MICU2: variants seen among roughly 807,000 people sequenced by gnomAD.
MICU2 encodes mitochondrial calcium uptake 2.
In MICU2, 64 loss-of-function variants were observed where a neutral mutation model predicts 60.4. The ratio of observed to expected loss-of-function variants is 1.06; its 90% CI spans 0.87 to 1.31. The LOEUF is 1.31. Ranked by LOEUF, MICU2 falls within the 50% of genes most tolerant of loss-of-function variation. The pLI is 0.00. For missense variants in MICU2, 569 were observed against 531.0 expected (o/e 1.07, Z -0.70); for synonymous variants, 201 against 175.0 (o/e 1.15, Z -1.17).
intron 1 of MICU2, among the ~76,000 whole-genome samples, chr13:21,593,850 C>T (rs756535434): frequency 5.3e-5 from 8 of 152,040 alleles, no homozygotes; most frequent in South Asian, 2.1e-4. Flanking sequence ...AGAAACTGGA[C>T]GCCTTCCTTA....
intron 4 of MICU2, among the ~76,000 whole-genome samples, chr13:21,528,342 A>G (rs548975538): frequency 1.2e-4 from 19 of 152,330 alleles, no homozygotes; most frequent in Admixed American, 5.9e-4. Context: ...ATCTTTAAAA[A>G]GTGTATCTTC....
At chr13:21,532,510 G>C (rs1887026446) in intron 4 of MICU2, among the ~76,000 whole-genome samples, 1 of 152,150 alleles carries the variant, frequency 6.6e-6, no homozygotes, top group South Asian at 2.1e-4. Context: ...TTTCAGGACT[G>C]ACTAGTGAGC....
chr13:21,528,176 T>C (rs1886902286), intron 4 of MICU2, among the ~76,000 whole-genome samples: 1 of 152,176 alleles, frequency 6.6e-6, no homozygotes, highest in Non-Finnish European at 1.5e-5. Flanking sequence ...ATTATTTTCT[T>C]ATTTTAGGAA....
intron 1 of MICU2, 90 bp from the exon 2 acceptor site, chr13:21,567,034 T>A: frequency 9.1e-7 from 1 of 1,098,724 alleles, no homozygotes. Context: ...CTTTCACGCT[T>A]GGATCTGACA....
chr13:21,597,702 C>G (rs558589027), intron 1 of MICU2, among the ~76,000 whole-genome samples: 8 of 151,862 alleles, frequency 5.3e-5, no homozygotes, highest in African/African-American at 1.5e-4. Context: ...GAGGCCGAGG[C>G]GGGTGGATCA....
At chr13:21,555,562 T>C (rs889401434) in intron 2 of MICU2, among the ~76,000 whole-genome samples, 1 of 152,202 alleles carries the variant, frequency 6.6e-6, no homozygotes, top group African/African-American at 2.4e-5. Context: ...ACAGCCAATA[T>C]CATACTGAAT....
chr13:21,506,397 T>G (rs926272736), intron 8 of MICU2, among the ~76,000 whole-genome samples: 2 of 152,172 alleles, frequency 1.3e-5, no homozygotes, highest in Non-Finnish European at 2.9e-5. Flanking sequence ...TCTTCAAGTA[T>G]GGCTTAAAGA....
chr13:21,539,228 A>G (rs1425586891), intron 4 of MICU2, 74 bp downstream of exon 4: 3 of 1,315,510 alleles, frequency 2.3e-6, no homozygotes, highest in Non-Finnish European at 3.2e-6. Context: ...TACAAATCTC[A>G]TACCTTAATT....
intron 2 of MICU2, among the ~76,000 whole-genome samples, chr13:21,549,780 AAT>A (rs137986238): frequency 0.014 from 2,070 of 152,302 alleles, 32 homozygotes; most frequent in African/African-American, 0.042. Context: ...ATGGTGGAGA[AAT>A]ATAACCACAA....
chr13:21,494,689 GA>G (rs1341878132), intron 11 of MICU2, among the ~76,000 whole-genome samples: 1 of 152,038 alleles, frequency 6.6e-6, no homozygotes, highest in Non-Finnish European at 1.5e-5. Context: ...CCTAGGCTAT[GA>G]TTTTTTTTCC....
At chr13:21,529,062 A>G (rs2138177883) in intron 4 of MICU2, among the ~76,000 whole-genome samples, 1 of 152,360 alleles carries the variant, frequency 6.6e-6, no homozygotes, top group South Asian at 2.1e-4. Flanking sequence ...TATATACACC[A>G]AACTAAGGAA....
chr13:21,551,116 T>C (rs1038418497), intron 2 of MICU2, among the ~76,000 whole-genome samples: 2 of 152,210 alleles, frequency 1.3e-5, no homozygotes, highest in African/African-American at 4.8e-5. Context: ...CCACCAGAAC[T>C]GTTCCCTTGT....
intron 2 of MICU2, among the ~76,000 whole-genome samples, chr13:21,561,537 TAAAA>T (rs1051737798): frequency 2.1e-5 from 3 of 145,946 alleles, no homozygotes; most frequent in Non-Finnish European, 4.6e-5. Flanking sequence ...ACTCACCCAT[TAAAA>T]AAAAAAAATT....
intron 7 of MICU2, among the ~76,000 whole-genome samples, chr13:21,512,671 G>C (rs1270592360): frequency 1.3e-5 from 2 of 151,848 alleles, no homozygotes; most frequent in African/African-American, 4.8e-5. Flanking sequence ...GGATGGTCTC[G>C]ATCTCCTGAC....
intron 2 of MICU2, among the ~76,000 whole-genome samples, chr13:21,551,639 C>T (rs1280948947): frequency 7.0e-6 from 1 of 142,250 alleles, no homozygotes; most frequent in East Asian, 2.1e-4. Flanking sequence ...TTCCTGTGTC[C>T]ACGTGTTCTC....
At position 21,496,504 on chromosome 13, in the gene MICU2, A is replaced by T. The variant is rs1886000793; in HGVS notation, c.934-344T>A. The T allele has an allele frequency of 2.1e-5, 5 of 243,368 alleles. No homozygotes were observed. The South Asian group carries it at 2.9e-4, about 14-fold the overall frequency. 15.1% of individuals were successfully genotyped at this position (243,368 alleles called of 1,614,324 possible). A position where few individuals can be genotyped will look rare whatever the true frequency, so the allele number is the denominator to read the frequency against. On this transcript the variant is annotated intron_variant, in intron 9 of 11. Coordinates refer to ENST00000382374, the MANE Select transcript of MICU2 (RefSeq NM_152726.3). ...GAGGCGGCAGCTTGAAGAGACTAAC[A>T]TACTCTGTTAAGTGGTCCACTTCTG...
chr13:21,571,580 C>T (rs894977735), intron 1 of MICU2, among the ~76,000 whole-genome samples: 3 of 152,074 alleles, frequency 2.0e-5, no homozygotes, highest in African/African-American at 7.2e-5. Context: ...AGCCTGTAGT[C>T]GCAGCTACTC....
At chr13:21,557,993 C>T (rs903811876) in intron 2 of MICU2, among the ~76,000 whole-genome samples, 25 of 152,022 alleles carry the variant, frequency 1.6e-4, no homozygotes, top group Admixed American at 3.9e-4. Flanking sequence ...CTGCTTTTGT[C>T]CAGTAGAGTC....
At position 21,493,308 on chromosome 13, in the gene MICU2, T is replaced by C; in HGVS notation, c.1246A>G (p.Lys416Glu). 1 of 1,611,246 alleles carries C rather than the reference T, an allele frequency of 6.2e-7. No individual in the cohort carries two copies. ...TCTTTTACTCCTTTAATGCTTTCTT[T>C]CTTCACACACTTCCAGTATTCTTGT... ...SIQEYWKCVK[K>E]ESIKGVKEVW... The change falls in exon 12 of 12, where the codon AAA becomes GAA. Residue 416 changes from lysine (K) to glutamate (E), a missense_variant. By Grantham distance (56) the Lys-to-Glu change is moderately conservative. Transcript: ENST00000382374.
Sources: gnomAD v4.1 joint callset for allele counts (sites outside exome capture counted in the v4.1 genomes callset) on GRCh38, gnomAD v4.1.1 for gene constraint, MANE v1.5 for transcripts, NCBI Gene and HGNC (gene_info 2026-07-23, HGNC 2026-07-21) for gene names.